PTPN4: variants seen among roughly 807,000 people sequenced by gnomAD.
The protein encoded by PTPN4 is tyrosine-protein phosphatase non-receptor type 4.
PTPN4 carries 49 observed loss-of-function variants against 135.5 expected under a neutral mutation model. The ratio of observed to expected loss-of-function variants is 0.36; its 90% CI spans 0.29 to 0.46. The LOEUF is 0.46. Ranked by LOEUF, PTPN4 falls within the 20% of genes least tolerant of loss-of-function variation. PTPN4 has a pLI of 1.00. For missense variants in PTPN4, 860 were observed against 1,101.0 expected (o/e 0.78, Z 3.10); for synonymous variants, 333 against 369.9 (o/e 0.90, Z 1.14).
At chr2:119,904,910 A>G (rs1191786646) in intron 10 of PTPN4, among the ~76,000 whole-genome samples, 1 of 152,182 alleles carries the variant, frequency 6.6e-6, no homozygotes, top group Non-Finnish European at 1.5e-5. Context: ...GAGTCCCTAC[A>G]TCTGGAAGTG....
At chr2:119,882,013 A>T in intron 6 of PTPN4, 84 bp from the exon 7 acceptor site, 1 of 1,293,274 alleles carries the variant, frequency 7.7e-7, no homozygotes, top group Non-Finnish European at 1.1e-6. Flanking sequence ...ATGAAACTTC[A>T]AGTGTGATTG....
intron 9 of PTPN4, among the ~76,000 whole-genome samples, chr2:119,886,397 C>T (rs72838960): frequency 0.024 from 3,665 of 152,158 alleles, 65 homozygotes; most frequent in Non-Finnish European, 0.033. Flanking sequence ...TATATTATAC[C>T]GTGTGACTTC....
At chr2:119,850,976 A>G (rs1677582580) in intron 2 of PTPN4, among the ~76,000 whole-genome samples, 1 of 152,174 alleles carries the variant, frequency 6.6e-6, no homozygotes, top group African/African-American at 2.4e-5. Context: ...TGTGTTCATG[A>G]GAAACATTAG....
At chr2:119,894,659 GAA>G (rs1447224316) in intron 9 of PTPN4, among the ~76,000 whole-genome samples, 2 of 151,988 alleles carry the variant, frequency 1.3e-5, no homozygotes, top group Non-Finnish European at 2.9e-5. Flanking sequence ...CAGGATAAAA[GAA>G]AATAATTTCA....
At chr2:119,786,741 C>T (rs1691055075) in intron 1 of PTPN4, among the ~76,000 whole-genome samples, 1 of 152,098 alleles carries the variant, frequency 6.6e-6, no homozygotes, top group Admixed American at 6.5e-5. Context: ...TAAGGTCTAC[C>T]CACATTAATG....
chr2:119,822,264 C>T (rs1187929768), intron 2 of PTPN4, among the ~76,000 whole-genome samples: 1 of 151,994 alleles, frequency 6.6e-6, no homozygotes, highest in African/African-American at 2.4e-5. Context: ...TGATTTGCTT[C>T]CTGTTGATAT....
intron 1 of PTPN4, among the ~76,000 whole-genome samples, chr2:119,783,157 A>G (rs1447541997): frequency 1.3e-5 from 2 of 152,030 alleles, no homozygotes; most frequent in African/African-American, 2.4e-5. Context: ...ACTCATTCGT[A>G]TTCATTCATT....
chr2:119,897,318 G>T (rs772736543), intron 9 of PTPN4, among the ~76,000 whole-genome samples: 10 of 152,110 alleles, frequency 6.6e-5, no homozygotes, highest in Non-Finnish European at 1.2e-4. Context: ...CCACAGACAT[G>T]AAATTAGCCA....
chr2:119,939,306 G>C (rs2105043096), intron 15 of PTPN4, among the ~76,000 whole-genome samples: 1 of 152,184 alleles, frequency 6.6e-6, no homozygotes, highest in Non-Finnish European at 1.5e-5. Context: ...CTTTTTGTTT[G>C]TTTGTTTATT....
intron 2 of PTPN4, among the ~76,000 whole-genome samples, chr2:119,850,610 CAGA>C (rs1294938208): frequency 2.0e-5 from 3 of 152,174 alleles, no homozygotes; most frequent in Non-Finnish European, 4.4e-5. Flanking sequence ...TTGGCCAGGG[CAGA>C]AGAAGGAGGG....
chr2:119,834,123 A>G lies in PTPN4; in HGVS notation c.138+24132A>G, dbSNP rs183126875. ...CATAGAATGTGTAATGATTAAGTCA[A>G]TGTTTAGAGTATCCATCACCTTGAG... On this transcript the variant is annotated intron_variant, in intron 2 of 26. Coordinates refer to ENST00000263708, the MANE Select transcript of PTPN4 (RefSeq NM_002830.4). 1.6e-3 allele frequency among the ~76,000 whole-genome samples: 242 copies of G among 152,308 alleles called. 1 individual carries two copies. The highest frequency in any genetic ancestry group is 5.4e-3 in the African/African-American group (224 of 41,548).
At chr2:119,788,950 G>T (rs1397711884) in intron 1 of PTPN4, among the ~76,000 whole-genome samples, 1 of 152,124 alleles carries the variant, frequency 6.6e-6, no homozygotes, top group Non-Finnish European at 1.5e-5. Flanking sequence ...TGAAATTGCT[G>T]AATCATAGGA....
intron 2 of PTPN4, among the ~76,000 whole-genome samples, chr2:119,859,857 A>G (rs1677735127): frequency 6.6e-6 from 1 of 152,138 alleles, no homozygotes; most frequent in Non-Finnish European, 1.5e-5. Context: ...ACTAGTAGAG[A>G]AGGGCTCAGT....
intron 3 of PTPN4, 100 bp downstream of exon 3, chr2:119,862,743 T>G: frequency 1.1e-6 from 1 of 894,294 alleles, no homozygotes; most frequent in South Asian, 2.0e-5. Context: ...TTTGATGAGT[T>G]TTTTTTTTAC....
intron 1 of PTPN4, among the ~76,000 whole-genome samples, chr2:119,784,834 G>A (rs566360719): frequency 1.3e-5 from 2 of 151,482 alleles, no homozygotes; most frequent in East Asian, 3.9e-4. Flanking sequence ...CACCATGCCT[G>A]GTCAGTCTTC....
At chr2:119,919,604 C>T (rs530231958) in intron 11 of PTPN4, among the ~76,000 whole-genome samples, 30 of 152,182 alleles carry the variant, frequency 2.0e-4, no homozygotes, top group Non-Finnish European at 3.2e-4. Flanking sequence ...AGGTAGATCA[C>T]TTGAGGTCAG....
intron 2 of PTPN4, among the ~76,000 whole-genome samples, chr2:119,826,086 A>G (rs1419941173): frequency 3.9e-5 from 6 of 152,228 alleles, no homozygotes; most frequent in Admixed American, 3.9e-4. Context: ...GTGTGTATAT[A>G]TTAAATGAGT....
At chr2:119,888,072 G>A (rs1678185632) in intron 9 of PTPN4, among the ~76,000 whole-genome samples, 2 of 152,176 alleles carry the variant, frequency 1.3e-5, no homozygotes, top group South Asian at 2.1e-4. Flanking sequence ...TCCTTGTAGA[G>A]ATCATTCACC....
At chr2:119,882,232 T>C in intron 7 of PTPN4, 83 bp downstream of exon 7, 1 of 1,323,246 alleles carries the variant, frequency 7.6e-7, no homozygotes, top group East Asian at 2.3e-5. Context: ...GTGGGAGTTC[T>C]TTAGAAATGT....
Sources: allele counts gnomAD v4.1 joint callset (sites outside exome capture counted in the v4.1 genomes callset), GRCh38; gene constraint gnomAD v4.1.1; transcripts MANE v1.5; gene names NCBI Gene and HGNC (gene_info 2026-07-23, HGNC 2026-07-21).